The following NIBAN2 variants were observed in gnomAD, a reference collection of about 807,000 sequenced individuals.
NIBAN2 encodes the protein niban apoptosis regulator 2.
Under a neutral mutation model 81.8 loss-of-function variants are expected in NIBAN2, and 36 were observed. The observed-to-expected ratio is 0.44, with a 90% CI of 0.34 to 0.58. NIBAN2 has a LOEUF of 0.58. NIBAN2 is among the 20% of genes least tolerant of loss of function. NIBAN2 has a pLI of 0.02. For synonymous variants in NIBAN2, 445 were observed against 441.6 expected (o/e 1.01, Z -0.10); for missense variants, 897 against 1,014.1 (o/e 0.88, Z 1.57).
intron 8 of NIBAN2, among the ~76,000 whole-genome samples, chr9:127,513,035 C>T (rs946518871): frequency 2.0e-5 from 3 of 152,136 alleles, no homozygotes; most frequent in South Asian, 2.1e-4. Context: ...ACTATTCAGC[C>T]GTAAAAAAGA....
At chr9:127,529,871 C>A (rs971974511) in intron 2 of NIBAN2, among the ~76,000 whole-genome samples, 10 of 152,120 alleles carry the variant, frequency 6.6e-5, no homozygotes, top group Non-Finnish European at 2.9e-5. Context: ...ACCAAAAATA[C>A]TGCTTTTCAG....
intron 1 of NIBAN2, among the ~76,000 whole-genome samples, chr9:127,560,353 A>C (rs974822396): frequency 2.6e-5 from 4 of 151,702 alleles, no homozygotes; most frequent in African/African-American, 4.8e-5. Flanking sequence ...CCCGACCCCC[A>C]CACACGCAGG....
Position 127,531,762 on chromosome 9 carries a change from G to A in NIBAN2, c.72C>T (p.Ile24=). The A allele has an allele frequency of 6.2e-7, 1 of 1,614,206 alleles. No individual in the cohort carries two copies. The highest frequency in any genetic ancestry group is 1.1e-5 in the South Asian group (1 of 91,086). The change falls in exon 2 of 14, where the codon ATC becomes ATT. Residue 24 remains isoleucine (I), a synonymous_variant. Transcript: ENST00000373312. ...RQHIAEKTGK[I]LTEFLQFYED... ...CATAGAACTGGAGGAACTCCGTCAGGATCTTCCCGGTTTTTTCTGGAAGAG... is the reference window on the plus strand; with the variant it reads ...CATAGAACTGGAGGAACTCCGTCAGAATCTTCCCGGTTTTTTCTGGAAGAG...
Position 127,509,145 on chromosome 9 carries a change from G to A in NIBAN2, c.1162-14C>T, listed in dbSNP as rs1372951802. The stretch of plus-strand genomic sequence containing the variant: ...CTTCTCCATGTACTGCAGGGGCCGG[G>A]GCCGCGGGGGCTGAGCAGGGCCGCC... On this transcript the variant is annotated splice_polypyrimidine_tract_variant and intron_variant, in intron 9 of 13. Transcript: ENST00000373312. 1 of 1,602,954 alleles carries A rather than the reference G, an allele frequency of 6.2e-7. No homozygotes were observed. Among genetic ancestry groups the A allele is most frequent in the East Asian group, 2.2e-5 (1 of 44,746 alleles).
Position 127,578,870 on chromosome 9 carries a change from A to G in NIBAN2, c.16+52T>C, listed in dbSNP as rs1588199311. 10 of 1,584,802 alleles carry G rather than the reference A, an allele frequency of 6.3e-6. No homozygotes were observed. In the East Asian group the frequency reaches 2.1e-4, roughly 33 times the overall value. The stretch of plus-strand genomic sequence containing the variant: ...AAACCTCCTCTCTAAACAAACAAAC[A>G]AAAAAGAACCCCGTGTGCCTTGTGT... On this transcript the variant is annotated intron_variant, in intron 1 of 13. Transcript: ENST00000373314.
chr9:127,555,995 G>A (rs1196952936), intron 1 of NIBAN2, among the ~76,000 whole-genome samples: 1 of 151,654 alleles, frequency 6.6e-6, no homozygotes. Context: ...GGGTCAGTGG[G>A]GCCACCAGGA....
intron 5 of NIBAN2, 134 bp downstream of exon 5, chr9:127,523,545 A>G (rs1837000706): frequency 6.2e-6 from 5 of 801,440 alleles, no homozygotes; most frequent in Non-Finnish European, 7.7e-6. Context: ...GTTTCTTATA[A>G]CCCCAGAAGG....
intron 1 of NIBAN2, among the ~76,000 whole-genome samples, chr9:127,567,700 G>A (rs1254195680): frequency 6.6e-6 from 1 of 152,192 alleles, no homozygotes; most frequent in Non-Finnish European, 1.5e-5. Context: ...GCAGGCGGAC[G>A]CGGTGCTCAG....
chr9:127,524,766 G>A, intron 4 of NIBAN2: 1 of 313,730 alleles, frequency 3.2e-6, no homozygotes, highest in South Asian at 4.1e-5. Context: ...AGGCTTCTAG[G>A]GAATTTCAGC....
chr9:127,508,192 G>C lies in NIBAN2; in HGVS notation c.1443C>G (p.Asp481Glu), dbSNP rs1188630808. The change falls in exon 12 of 14, where the codon GAC becomes GAG. Residue 481 changes from aspartate (D) to glutamate (E), a missense_variant. Physicochemically the swap from Asp to Glu is conservative, Grantham distance 45 (BLOSUM62 2). Coordinates refer to ENST00000373312, the MANE Select transcript of NIBAN2 (RefSeq NM_022833.4). The surrounding 1 kb of genome is among the most constrained non-coding windows in gnomAD (Gnocchi z 6.4). ...RVLERVLKKY[D>E]YDSSSVRKRF... ...TCTTCCGCACAGAGCTGCTGTCGTA[G>C]TCGTATTTCTGCAGGGAACAAGGGG... 3 of 1,613,204 alleles carry C rather than the reference G, an allele frequency of 1.9e-6. No individual in the cohort carries two copies. The highest frequency in any genetic ancestry group is 1.7e-5 in the Admixed American group (1 of 60,010).
chr9:127,573,849 G>T (rs1168060843), upstream of NIBAN2, among the ~76,000 whole-genome samples: 2 of 152,054 alleles, frequency 1.3e-5, no homozygotes, highest in Non-Finnish European at 1.5e-5. Context: ...GTGGAAATGG[G>T]GTTTTGCTAT....
upstream of NIBAN2, chr9:127,569,103 C>G (rs2132244059): frequency 8.8e-6 from 9 of 1,021,076 alleles, no homozygotes; most frequent in Non-Finnish European, 1.1e-5. Context: ...GCCCTGCACC[C>G]CGGCGCCCCG....
chr9:127,575,415 A>T (rs1837997238), intron 1 of NIBAN2, among the ~76,000 whole-genome samples: 2 of 151,330 alleles, frequency 1.3e-5, no homozygotes, highest in Non-Finnish European at 2.9e-5. Context: ...TTTAGTAGAG[A>T]CGGGGTTTTA....
intron 1 of NIBAN2, among the ~76,000 whole-genome samples, chr9:127,542,745 C>T (rs374149255): frequency 7.9e-5 from 12 of 152,324 alleles, no homozygotes; most frequent in South Asian, 4.1e-4. Context: ...TGTTTTGAGA[C>T]GGAGTCTGGC....
At chr9:127,518,501 C>T (rs1346067022) in intron 5 of NIBAN2, among the ~76,000 whole-genome samples, 1 of 152,238 alleles carries the variant, frequency 6.6e-6, no homozygotes, top group African/African-American at 2.4e-5. Context: ...CAATGCTCGC[C>T]TCTACAGTCA....
chr9:127,564,360 A>G (rs1269052955), intron 1 of NIBAN2, among the ~76,000 whole-genome samples: 1 of 151,964 alleles, frequency 6.6e-6, no homozygotes, highest in Non-Finnish European at 1.5e-5. Flanking sequence ...AATATTACAG[A>G]GGGTTTGTAC....
At chr9:127,509,805 TTCC>T (rs1304955003) in intron 9 of NIBAN2, 10 of 49,618 alleles carry the variant, frequency 2.0e-4, no homozygotes, top group African/African-American at 5.4e-4. Context: ...CCTCCTCTCC[TTCC>T]CTCCTTCCCT....
At chr9:127,541,279 C>T (rs573285228) in intron 1 of NIBAN2, among the ~76,000 whole-genome samples, 1 of 152,312 alleles carries the variant, frequency 6.6e-6, no homozygotes, top group East Asian at 1.9e-4. Flanking sequence ...TTTCTACTTG[C>T]CCCCCACCTA....
In NIBAN2 at chr9:127,507,199, C is replaced by T. The variant is rs1836620696; in HGVS notation, c.1887G>A (p.Glu629=). 2 of 1,613,194 alleles carry T rather than the reference C, an allele frequency of 1.2e-6. No individual in the cohort carries two copies. The highest frequency in any genetic ancestry group is 1.3e-5 in the African/African-American group (1 of 75,032). The change falls in exon 14 of 14, where the codon GAG becomes GAA. Residue 629 remains glutamate (E), a synonymous_variant. Transcript: ENST00000373312. The surrounding 1 kb of genome is among the most constrained non-coding windows in gnomAD (Gnocchi z 6.8). ...AKQVVSVVQD[E]EVGLPFEASP... The stretch of plus-strand genomic sequence containing the variant: ...TAGCCTCAAAGGGCAGCCCCACCTC[C>T]TCATCCTGGACCACAGAGACCACCT...
Sources: gnomAD v4.1 joint callset for allele counts (sites outside exome capture counted in the v4.1 genomes callset) on GRCh38, gnomAD v4.1.1 for gene constraint, Gnocchi (gnomAD v3.1) non-coding constraint, MANE v1.5 for transcripts, NCBI Gene and HGNC (gene_info 2026-07-23, HGNC 2026-07-21) for gene names.